The following MT1F variants were observed in gnomAD, a reference collection of about 807,000 sequenced individuals.
MT1F encodes the protein metallothionein-1F.
In MT1F, 6 loss-of-function variants were observed where a neutral mutation model predicts 5.4. The ratio of observed to expected loss-of-function variants is 1.11; its 90% CI spans 0.61 to 2.19. The LOEUF is 2.19. Among genes scored for constraint, MT1F ranks in the 30% most tolerant of loss-of-function variants. The pLI, the probability that MT1F is intolerant of heterozygous loss-of-function variation, is 0.00. For synonymous variants in MT1F, 28 were observed against 28.3 expected (o/e 0.99, Z 0.04); for missense variants, 82 against 77.0 (o/e 1.07, Z -0.24).
intron 1 of MT1F, 176 bp from the exon 2 acceptor site, chr16:56,658,499 G>C (rs1391077208): frequency 1.5e-6 from 1 of 667,840 alleles, no homozygotes; most frequent in East Asian, 2.7e-5. Flanking sequence ...AGGCTGCTTG[G>C]CCTTCCCAGC....
rs1960660456 is a variant in MT1F at position 56,659,116 on chromosome 16, G to C, written c.138G>C (p.Gln46His). The C allele has an allele frequency of 2.5e-6, 4 of 1,614,000 alleles. No individual in the cohort carries two copies. Among genetic ancestry groups the C allele is most frequent in the African/African-American group, 1.3e-5 (1 of 74,914 alleles). The change falls in exon 3 of 3, where the codon CAG becomes CAC. Residue 46 changes from glutamine (Q) to histidine (H), a missense_variant. Transcript: ENST00000334350. Reference protein sequence around the residue: ...CCPVGCSKCAQGCVCKGASEK... With the variant: ...CCPVGCSKCAHGCVCKGASEK... ...CCGTGGGCTGTAGCAAGTGTGCCCAGGGCTGTGTTTGCAAAGGGGCGTCAG... is the reference window on the plus strand; with the variant it reads ...CCGTGGGCTGTAGCAAGTGTGCCCACGGCTGTGTTTGCAAAGGGGCGTCAG...
At chr16:56,658,834 C>A in intron 2 of MT1F, 94 bp downstream of exon 2, 2 of 1,485,122 alleles carry the variant, frequency 1.3e-6, no homozygotes, top group East Asian at 2.3e-5. Context: ...GGGGAACTGG[C>A]CTTCCTTTGT....
intron 1 of MT1F, chr16:56,658,440 T>A (rs1960648193): frequency 3.3e-6 from 2 of 601,976 alleles, no homozygotes; most frequent in Non-Finnish European, 5.9e-6. Context: ...GTCGCCGTCT[T>A]CCCAGGCTGT....
At chr16:56,658,111 T>C (rs201579575) in intron 1 of MT1F, 25 bp downstream of exon 1, 1 of 1,613,822 alleles carries the variant, frequency 6.2e-7, no homozygotes, top group East Asian at 2.2e-5. Context: ...GTTCCGTGCC[T>C]GGGGATGCTC....
intron 1 of MT1F, 184 bp from the exon 2 acceptor site, chr16:56,658,491 G>A: frequency 1.5e-6 from 1 of 645,960 alleles, no homozygotes; most frequent in Non-Finnish European, 2.7e-6. Flanking sequence ...CAAACAGGAG[G>A]CTGCTTGGCC....
At chr16:56,658,431 T>C (rs1960648058) in intron 1 of MT1F, 2 of 597,434 alleles carry the variant, frequency 3.3e-6, no homozygotes, top group East Asian at 2.8e-5. Context: ...AAAGTCGAAG[T>C]CGCCGTCTTC....
chr16:56,658,920 C>T, intron 2 of MT1F, 153 bp from the exon 3 acceptor site: 1 of 1,045,586 alleles, frequency 9.6e-7, no homozygotes, highest in East Asian at 2.4e-5. Context: ...TAGGAAGACC[C>T]ACCCCAGATA....
chr16:56,658,149 C>A, intron 1 of MT1F, 63 bp downstream of exon 1: 1 of 1,595,696 alleles, frequency 6.3e-7, no homozygotes, highest in Non-Finnish European at 8.6e-7. Context: ...GAGAGTGTTC[C>A]TGGGTTTGAG....
In MT1F at chr16:56,658,751, G is replaced by A. The variant is rs1395732478; in HGVS notation, c.94+11G>A. ...CCTCCTGCAAGAAGAGTGAGTGTGA[G>A]GCCATCTCCATGGTCTGGGGCTGTG... is the stretch of plus-strand genomic sequence containing the variant. On this transcript the variant is annotated intron_variant, in intron 2 of 2. Transcript: ENST00000334350. 6.2e-7 allele frequency: 1 copy of A among 1,614,220 alleles called. No individual in the cohort carries two copies. The highest frequency in any genetic ancestry group is 8.5e-7 in the Non-Finnish European group (1 of 1,180,020).
In MT1F at chr16:56,658,707, T is replaced by C; in HGVS notation, c.61T>C (p.Cys21Arg). ...CTGCACCTGCGCTGGTTCCTGCAAG[T>C]GCAAAGAGTGCAAATGCACCTCCTG... ...VSCTCAGSCK[C>R]KECKCTSCKK... is the part of the protein sequence containing the mutation. Residue 21 changes from cysteine (C) to arginine (R), a missense_variant, in exon 2 of 3, where the codon TGC becomes CGC. Coordinates refer to ENST00000334350, the MANE Select transcript of MT1F (RefSeq NM_005949.4). 1 of 1,614,198 alleles carries C rather than the reference T, an allele frequency of 6.2e-7. No individual in the cohort carries two copies. Among genetic ancestry groups the C allele is most frequent in the Non-Finnish European group, 8.5e-7 (1 of 1,180,036 alleles).
rs1296801305 is a variant in MT1F, at chr16:56,658,082, C to A, written c.24C>A (p.Ala8=). ...CAATGGACCCCAACTGCTCCTGCGC[C>A]GCTGGTAAGGAACGCCGGGTTCCGT... MDPNCSC[A]AGVSCTCAGS... Residue 8 remains alanine (A), a synonymous_variant, in exon 1 of 3, where the codon GCC becomes GCA. Coordinates refer to ENST00000334350, the MANE Select transcript of MT1F (RefSeq NM_005949.4). 1.9e-6 allele frequency: 3 copies of A among 1,614,110 alleles called. No individual in the cohort carries two copies. In the Admixed American group the frequency reaches 5.0e-5, roughly 27 times the overall value.
rs762234665 is a variant in MT1F, at chr16:56,658,650, T to A, written c.29-25T>A. ...CTCCTGCAGGTCACTCGCCGCTCACTGGCTTTTTTTTCTCTTTCTCGCAGG... is the reference window on the plus strand; with the variant it reads ...CTCCTGCAGGTCACTCGCCGCTCACAGGCTTTTTTTTCTCTTTCTCGCAGG... On this transcript the variant is annotated intron_variant, in intron 1 of 2. Transcript: ENST00000334350. 7 of 1,614,032 alleles carry A rather than the reference T, an allele frequency of 4.3e-6. No homozygotes were observed. The Admixed American group carries it at 1.2e-4, about 27-fold the overall frequency.
intron 2 of MT1F, 24 bp from the exon 3 acceptor site, chr16:56,659,049 T>G: frequency 6.2e-7 from 1 of 1,608,876 alleles, no homozygotes; most frequent in South Asian, 1.1e-5. Context: ...GGCTGTGACC[T>G]CTCATGCTCC....
chr16:56,658,445 G>A, intron 1 of MT1F: 1 of 603,766 alleles, frequency 1.7e-6, no homozygotes, highest in Non-Finnish European at 2.9e-6. Context: ...CGTCTTCCCA[G>A]GCTGTGCCTG....
Position 56,659,111 on chromosome 16 carries a change from G to GC in MT1F, c.136dup (p.Gln46ProfsTer27). 1 of 1,614,094 alleles carries GC rather than the reference G, an allele frequency of 6.2e-7. No individual in the cohort carries two copies. The highest frequency in any genetic ancestry group is 8.5e-7 in the Non-Finnish European group (1 of 1,179,978). On this transcript the variant is annotated frameshift_variant, in exon 3 of 3. Coordinates refer to ENST00000334350, the MANE Select transcript of MT1F (RefSeq NM_005949.4). LOFTEE classifies it high-confidence loss of function. ...CTGCCCCGTGGGCTGTAGCAAGTGTGCCCAGGGCTGTGTTTGCAAAGGGGC... is the reference window on the plus strand; with the variant it reads ...CTGCCCCGTGGGCTGTAGCAAGTGTGCCCCAGGGCTGTGTTTGCAAAGGGGC...
In MT1F at chr16:56,659,276, G is replaced by T. The variant is rs2144340643; in HGVS notation, c.*112G>T. ...ACATTCCTTTTCCTGTGAAATATGT[G>T]AGTGATAATTAAACACTTTAGACCT... On this transcript the variant is annotated 3_prime_UTR_variant, in exon 3 of 3. Coordinates refer to ENST00000334350, the MANE Select transcript of MT1F (RefSeq NM_005949.4). 1 of 1,018,890 alleles carries T rather than the reference G, an allele frequency of 9.8e-7. No individual in the cohort carries two copies. The highest frequency in any genetic ancestry group is 2.6e-5 in the East Asian group (1 of 38,646). 63.1% of individuals were successfully genotyped at this position (1,018,890 alleles called of 1,614,324 possible).
chr16:56,658,212 G>T, intron 1 of MT1F, 126 bp downstream of exon 1: 1 of 1,088,146 alleles, frequency 9.2e-7, no homozygotes, highest in Non-Finnish European at 1.4e-6. Context: ...TTAGTCCAGT[G>T]CTTTCCTCTT....
intron 2 of MT1F, 85 bp downstream of exon 2, chr16:56,658,825 G>C (rs146058184): frequency 1.3e-6 from 2 of 1,524,790 alleles, no homozygotes; most frequent in African/African-American, 2.7e-5. Context: ...CATGCTTCTG[G>C]GGAACTGGCC....
At chr16:56,658,976 G>A (rs1248099166) in intron 2 of MT1F, 97 bp from the exon 3 acceptor site, 2 of 1,163,344 alleles carry the variant, frequency 1.7e-6, no homozygotes, top group Admixed American at 3.7e-5. Flanking sequence ...TGAACTGAGG[G>A]TCCTTTGTGG....
Sources: gnomAD v4.1 joint callset for allele counts on GRCh38, gnomAD v4.1.1 for gene constraint, MANE v1.5 for transcripts, NCBI Gene and HGNC (gene_info 2026-07-23, HGNC 2026-07-21) for gene names.